The following TARS2 variants were observed in gnomAD, a reference collection of about 807,000 sequenced individuals.
TARS2 encodes the protein threonyl-tRNA synthetase 2, mitochondrial, also known as threonine--tRNA ligase, mitochondrial.
TARS2 carries 61 observed loss-of-function variants against 94.4 expected under a neutral mutation model. That is an observed-to-expected ratio of 0.65 (90% CI 0.53 to 0.80). TARS2 has a LOEUF of 0.80. Ranked by LOEUF, TARS2 falls within the 30% of genes least tolerant of loss-of-function variation. TARS2 has a pLI of 0.00. For synonymous variants in TARS2, 359 were observed against 353.4 expected (o/e 1.02, Z -0.18); for missense variants, 704 against 902.5 (o/e 0.78, Z 2.82).
Position 150,487,891 on chromosome 1 carries a change from G to C in TARS2, c.100G>C (p.Glu34Gln). The C allele has an allele frequency of 1.9e-6, 3 of 1,613,594 alleles. No individual in the cohort carries two copies. Among genetic ancestry groups the C allele is most frequent in the Non-Finnish European group, 2.5e-6 (3 of 1,179,986 alleles). ...GTCGACCCCTCCACGCTGGTTGGCA[G>C]AGCGGCTTGGCCTTTTTGAGGAGCT... ...VVSTPPRWLAERLGLFEELWA... is the reference protein window; with the variant it reads ...VVSTPPRWLAQRLGLFEELWA... Residue 34 changes from glutamate (E) to glutamine (Q), a missense_variant, in exon 2 of 18, where the codon GAG (glutamate) becomes CAG (glutamine). Coordinates refer to ENST00000369064, the MANE Select transcript of TARS2 (RefSeq NM_025150.5).
chr1:150,498,974 A>G lies in TARS2; in HGVS notation c.1479A>G (p.Ala493=). ...YAVLGFSFRL[A]LSTRPSGFLG... ...TTCTTGGCTTCTCCTTCCGCCTGGC[A>G]CTGTCCACCCGGCCATCTGGCTTCC... The change falls in exon 12 of 18, where the codon GCA becomes GCG. Residue 493 remains alanine, a synonymous_variant. Transcript: ENST00000369064. 6.2e-7 allele frequency: 1 copy of G among 1,614,114 alleles called. No homozygotes were observed. Among genetic ancestry groups the G allele is most frequent in the Non-Finnish European group, 8.5e-7 (1 of 1,180,034 alleles).
intron 3 of TARS2, 89 bp downstream of exon 3, chr1:150,489,176 G>A (rs1669274102): frequency 6.3e-7 from 1 of 1,597,354 alleles, no homozygotes; most frequent in Non-Finnish European, 8.6e-7. Context: ...TTTTGCCGCA[G>A]TTTCTCCATT....
chr1:150,505,361 A>T (rs1381824648), intron 16 of TARS2, among the ~76,000 whole-genome samples: 2 of 152,084 alleles, frequency 1.3e-5, no homozygotes, highest in African/African-American at 4.8e-5. Flanking sequence ...CCACGGAATA[A>T]CTGGGGGGTC....
In TARS2 at chr1:150,506,925, A is replaced by T. The variant is rs1479231225; in HGVS notation, c.2018A>T (p.Gln673Leu). 1 of 1,614,028 alleles carries T rather than the reference A, an allele frequency of 6.2e-7. No individual in the cohort carries two copies. Among genetic ancestry groups the T allele is most frequent in the African/African-American group, 1.3e-5 (1 of 74,918 alleles). Reference protein sequence around the residue: ...AHYNFQFVVGQKEQSKRTVNI... With the variant: ...AHYNFQFVVGLKEQSKRTVNI... The stretch of plus-strand genomic sequence containing the variant: ...CTTCCTCTACCTGCAGTGGTTGGCC[A>T]GAAAGAGCAAAGTAAGAGAACAGTG... The change falls in exon 18 of 18, where the codon CAG (glutamine) becomes CTG (leucine). Residue 673 changes from glutamine to leucine, a missense_variant. Physicochemically the swap from Gln to Leu is moderately radical, Grantham distance 113. Coordinates refer to ENST00000369064, the MANE Select transcript of TARS2 (RefSeq NM_025150.5).
At position 150,498,682 on chromosome 1, in the gene TARS2, C is replaced by G. The variant is rs1464878339; in HGVS notation, c.1401+18C>G. 6.2e-7 allele frequency: 1 copy of G among 1,613,024 alleles called. No homozygotes were observed. The highest frequency in any genetic ancestry group is 2.2e-5 in the East Asian group (1 of 44,886). On this transcript the variant is annotated intron_variant, in intron 11 of 17. Transcript: ENST00000369064. ...CAGATCAGGTGGCCTTTCCCTGGCT[C>G]CACCAAAGCTTTTCTAAACCACCTT...
chr1:150,491,675 A>C lies in TARS2; in HGVS notation c.695+13A>C. 6.2e-7 allele frequency: 1 copy of C among 1,614,012 alleles called. No individual in the cohort carries two copies. The highest frequency in any genetic ancestry group is 1.7e-5 in the Admixed American group (1 of 60,016). On this transcript the variant is annotated intron_variant, in intron 6 of 17. Transcript: ENST00000369064. ...CAACAGTATATGGGTAAGAGTTGTC[A>C]AGATTAAGGCAAACAGAGAGGTGGG...
Position 150,490,601 on chromosome 1 carries a change from G to C in TARS2, c.388G>C (p.Val130Leu), listed in dbSNP as rs1560244441. ...LTFDSPEGKA[V>L]FWHSSTHVLG... ...GTGAACCCCTTTTTTGTGAACCCAG[G>C]TGTTCTGGCACTCCAGCACCCATGT... The change falls in exon 4 of 18, where the codon GTG becomes CTG. Residue 130 changes from valine to leucine, a missense_variant and splice_region_variant. By Grantham distance (32) the Val-to-Leu change is conservative (BLOSUM62 1). Around this residue, in one of 3 missense-constraint regions of TARS2, gnomAD observed 208 missense variants for 228.5 expected, o/e 0.91. Transcript: ENST00000369064. 6.2e-7 allele frequency: 1 copy of C among 1,612,096 alleles called. No homozygotes were observed. The highest frequency in any genetic ancestry group is 8.5e-7 in the Non-Finnish European group (1 of 1,179,378).
At chr1:150,497,243 C>T (rs1307132223) in intron 9 of TARS2, among the ~76,000 whole-genome samples, 1 of 152,010 alleles carries the variant, frequency 6.6e-6, no homozygotes. Flanking sequence ...TGAGATTGAG[C>T]CACTGCACTC....
At chr1:150,499,135 G>T in intron 12 of TARS2, 81 bp from the exon 13 acceptor site, 1 of 1,609,502 alleles carries the variant, frequency 6.2e-7, no homozygotes, top group Non-Finnish European at 8.5e-7. Flanking sequence ...TGGTGAGTGG[G>T]TCATTTGTTG....
In TARS2 at chr1:150,487,850, C is replaced by A. The variant is rs199888824; in HGVS notation, c.67-8C>A. 5.7e-5 allele frequency: 92 copies of A among 1,610,030 alleles called. No individual in the cohort carries two copies. In the East Asian group the frequency reaches 2.0e-3, roughly 35 times the overall value. On this transcript the variant is annotated splice_region_variant and splice_polypyrimidine_tract_variant and intron_variant, in intron 1 of 17. Transcript: ENST00000369064. ...GTGTGTTACCTGCTAATATATCTTT[C>A]CCTCCAGGCAGTTGTGTCGACCCCT...
chr1:150,498,209 T>C (rs1181322912), intron 10 of TARS2, among the ~76,000 whole-genome samples: 2 of 152,102 alleles, frequency 1.3e-5, no homozygotes. Context: ...CCTCTTTAGG[T>C]CTCAGTCTCC....
intron 13 of TARS2, among the ~76,000 whole-genome samples, chr1:150,501,027 T>G (rs941014097): frequency 5.3e-5 from 8 of 152,114 alleles, no homozygotes; most frequent in Non-Finnish European, 8.8e-5. Flanking sequence ...GTAGGCATGG[T>G]AACAGGAAGT....
rs759072960 is a variant in TARS2, at chr1:150,489,024, G to A, written c.324G>A (p.Glu108=). Residue 108 remains glutamate (E), a synonymous_variant, in exon 3 of 18, where the codon GAG becomes GAA. Coordinates refer to ENST00000369064, the MANE Select transcript of TARS2 (RefSeq NM_025150.5). ...AQVNGEPYDL[E]RPLETDSDLR... ...TGAATGGAGAACCTTATGATCTGGA[G>A]CGGCCCTTGGAGACAGATTCTGACC... 4 of 1,614,108 alleles carry A rather than the reference G, an allele frequency of 2.5e-6. No homozygotes were observed. In the African/African-American group the frequency reaches 5.3e-5, roughly 22 times the overall value.
At position 150,496,495 on chromosome 1, in the gene TARS2, T is replaced by C. The variant is rs1291819190; in HGVS notation, c.788T>C (p.Leu263Ser). 5 of 1,613,474 alleles carry C rather than the reference T, an allele frequency of 3.1e-6. No homozygotes were observed. The highest frequency in any genetic ancestry group is 2.7e-5 in the African/African-American group (2 of 74,872). ...GTCCTCACACAGAACTCATCATCCT[T>C]ATGGAGGTCTTCAGGGGCCCCAGAG... ...GLKLLSNSSS[L>S]WRSSGAPETL... Residue 263 changes from leucine (L) to serine (S), a missense_variant, in exon 8 of 18, where the codon TTA (leucine) becomes TCA (serine). Coordinates refer to ENST00000369064, the MANE Select transcript of TARS2 (RefSeq NM_025150.5).
chr1:150,491,318 G>A (rs1038494362), intron 4 of TARS2, 76 bp from the exon 5 acceptor site: 12 of 1,452,354 alleles, frequency 8.3e-6, no homozygotes, highest in South Asian at 5.7e-5. Context: ...GACCTTACCC[G>A]CTAGCCAACA....
At position 150,499,513 on chromosome 1, in the gene TARS2, G is replaced by A. The variant is rs774424390; in HGVS notation, c.1617+220G>A. On this transcript the variant is annotated intron_variant, in intron 13 of 17. Coordinates refer to ENST00000369064, the MANE Select transcript of TARS2 (RefSeq NM_025150.5). ...CGAGTAGCTGGGATTACAGGTGTAC[G>A]CCACCACACCCGGCTAATTTTTTTG... Among the ~76,000 whole-genome samples, 6 of 151,950 alleles carry A rather than the reference G, an allele frequency of 3.9e-5. No individual in the cohort carries two copies. In the South Asian group the frequency reaches 1.0e-3, roughly 26 times the overall value.
chr1:150,492,109 G>T, intron 6 of TARS2: 4 of 321,008 alleles, frequency 1.2e-5, no homozygotes, highest in South Asian at 6.5e-5. Context: ...GGAACTACAG[G>T]CATGCACCAC....
chr1:150,491,899 A>T, intron 6 of TARS2: 4 of 419,916 alleles, frequency 9.5e-6, no homozygotes, highest in South Asian at 2.3e-5. Context: ...GGTTCAAGTG[A>T]TTCTCCTGCC....
chr1:150,506,566 A>C (rs1266568081), intron 17 of TARS2, among the ~76,000 whole-genome samples: 1 of 104,352 alleles, frequency 9.6e-6, no homozygotes, highest in Non-Finnish European at 1.8e-5. Flanking sequence ...CTTGACTCTA[A>C]TGTCTCTGAC....
Sources: allele counts gnomAD v4.1 joint callset (sites outside exome capture counted in the v4.1 genomes callset), GRCh38; gene constraint gnomAD v4.1.1; regional missense constraint gnomAD v4.1.1; transcripts MANE v1.5; gene names NCBI Gene and HGNC (gene_info 2026-07-23, HGNC 2026-07-21).